The following TOPBP1 variants were observed in gnomAD, a reference collection of about 807,000 sequenced individuals.
TOPBP1 encodes the protein DNA topoisomerase II binding protein 1, also known as DNA topoisomerase 2-binding protein 1.
TOPBP1 carries 28 observed loss-of-function variants against 167.7 expected under a neutral mutation model. The ratio of observed to expected loss-of-function variants is 0.17; its 90% CI spans 0.12 to 0.23. The LOEUF (loss-of-function observed/expected upper bound fraction) is 0.23, where lower values mean the gene tolerates loss of function less well. Among genes scored for constraint, TOPBP1 ranks in the 10% least tolerant of loss-of-function variants. TOPBP1 has a pLI of 1.00. For synonymous variants in TOPBP1, 598 were observed against 611.4 expected (o/e 0.98, Z 0.32); for missense variants, 1,554 against 1,809.6 (o/e 0.86, Z 2.56).
At position 133,659,103 on chromosome 3, in the gene TOPBP1, T is replaced by C. The variant is rs778975256; in HGVS notation, c.132A>G (p.Glu44=). Residue 44 remains glutamate (E), a synonymous_variant, in exon 3 of 28, where the codon GAA becomes GAG. Transcript: ENST00000260810. ...TCTCCTTTATCTTCAATGCCTCTTC[T>C]TCTGTAATAATCTGAAGATATTCTT... ...QSEEYLQIIT[E]EEALKIKEND... 1.9e-6 allele frequency: 3 copies of C among 1,587,944 alleles called. No individual in the cohort carries two copies. The highest frequency in any genetic ancestry group is 2.3e-5 in the South Asian group (2 of 87,214).
intron 14 of TOPBP1, 145 bp from the exon 15 acceptor site, chr3:133,628,878 A>G (rs549620398): frequency 1.3e-6 from 1 of 781,338 alleles, no homozygotes; most frequent in Non-Finnish European, 2.0e-6. Context: ...AATGGATTAC[A>G]GTTTAACTTC....
chr3:133,623,542 C>T (rs1935169485), intron 17 of TOPBP1, 85 bp from the exon 18 acceptor site: 1 of 1,409,572 alleles, frequency 7.1e-7, no homozygotes, highest in Non-Finnish European at 9.3e-7. Flanking sequence ...ACAAGCAATA[C>T]ATTATACTGT....
intron 19 of TOPBP1, among the ~76,000 whole-genome samples, chr3:133,621,467 T>C (rs1490520629): frequency 2.6e-5 from 4 of 152,092 alleles, no homozygotes; most frequent in Non-Finnish European, 5.9e-5. Context: ...GTAAAAAAAA[T>C]AAAATATAAC....
chr3:133,653,291 A>G (rs750027383), intron 7 of TOPBP1, 54 bp downstream of exon 7: 15 of 1,449,132 alleles, frequency 1.0e-5, no homozygotes, highest in Non-Finnish European at 1.4e-5. Flanking sequence ...ACTGATTATT[A>G]CATAGAAATA....
chr3:133,660,937 T>C, intron 2 of TOPBP1, 107 bp downstream of exon 2: 2 of 787,578 alleles, frequency 2.5e-6, no homozygotes, highest in Non-Finnish European at 3.9e-6. Flanking sequence ...ACTATAAAAT[T>C]ATTATGAAAG....
Position 133,637,893 on chromosome 3 carries a change from G to A in TOPBP1, c.2503C>T (p.Pro835Ser). 1 of 1,613,870 alleles carries A rather than the reference G, an allele frequency of 6.2e-7. No homozygotes were observed. The highest frequency in any genetic ancestry group is 8.5e-7 in the Non-Finnish European group (1 of 1,179,818). ...KFLSKDKLFK[P>S]SFDVKDALAA... Reference sequence around the variant, plus strand: ...AACCTTACCTTCACATCAAAGGAAGGCTTGAAGAGTTTGTCCTTGGACAGG... The same window carrying A: ...AACCTTACCTTCACATCAAAGGAAGACTTGAAGAGTTTGTCCTTGGACAGG... Residue 835 changes from proline to serine, a missense_variant, in exon 14 of 28, where the codon CCT (proline) becomes TCT (serine). Around this residue, in one of 3 missense-constraint regions of TOPBP1, gnomAD observed 1,197 missense variants for 1,351.5 expected, o/e 0.89. Transcript: ENST00000260810.
intron 10 of TOPBP1, among the ~76,000 whole-genome samples, chr3:133,646,214 T>C (rs543307043): frequency 6.6e-6 from 1 of 152,302 alleles, no homozygotes; most frequent in African/African-American, 2.4e-5. Context: ...TACTTTATTA[T>C]AGACTTTCTA....
chr3:133,623,598 C>G lies in TOPBP1; in HGVS notation c.2929-141G>C, dbSNP rs1253168275. ...AAACTGGTTTGAAAAGTAGTTTACA[C>G]TGAAAAATTTGCATCATACAAATGA... On this transcript the variant is annotated intron_variant, in intron 17 of 27. Transcript: ENST00000260810. The G allele has an allele frequency of 3.1e-6, 3 of 962,280 alleles. No homozygotes were observed. The African/African-American group carries it at 5.0e-5, about 16-fold the overall frequency. The allele number at this position is 962,280 out of a possible 1,614,324, so 59.6% of individuals were successfully genotyped here.
chr3:133,652,418 C>T (rs1396905489), intron 8 of TOPBP1, 45 bp downstream of exon 8: 1 of 1,597,282 alleles, frequency 6.3e-7, no homozygotes, highest in East Asian at 2.2e-5. Flanking sequence ...CTAGGAAATG[C>T]TAATGTATAT....
intron 25 of TOPBP1, among the ~76,000 whole-genome samples, chr3:133,609,190 G>C (rs1178339598): frequency 1.3e-5 from 2 of 152,212 alleles, no homozygotes; most frequent in South Asian, 4.1e-4. Flanking sequence ...TTAATGATTA[G>C]GTAACATTAA....
intron 15 of TOPBP1, 21 bp downstream of exon 15, chr3:133,628,539 T>C: frequency 6.2e-7 from 1 of 1,607,822 alleles, no homozygotes; most frequent in Non-Finnish European, 8.5e-7. Flanking sequence ...AACTTCCTTT[T>C]AATAAGAGAA....
Position 133,628,481 on chromosome 3 carries a change from GA to G in TOPBP1, c.2695-11del. On this transcript the variant is annotated splice_polypyrimidine_tract_variant and intron_variant, in intron 15 of 27. Coordinates refer to ENST00000260810, the MANE Select transcript of TOPBP1 (RefSeq NM_007027.4). ...GCTTTGGGGCTTCTTCCTGTCCATGGAAAATAAAAGAAACAGATCAGTCATT... is the reference window on the plus strand; with the variant it reads ...GCTTTGGGGCTTCTTCCTGTCCATGGAAATAAAAGAAACAGATCAGTCATT... 1 of 1,607,058 alleles carries G rather than the reference GA, an allele frequency of 6.2e-7. No individual in the cohort carries two copies.
intron 27 of TOPBP1, 35 bp from the exon 28 acceptor site, chr3:133,601,428 A>G (rs978784651): frequency 2.2e-6 from 3 of 1,390,820 alleles, no homozygotes; most frequent in African/African-American, 3.0e-5. Context: ...TTTTAAAATG[A>G]TTTCAAACAT....
intron 23 of TOPBP1, among the ~76,000 whole-genome samples, chr3:133,616,311 A>G (rs1934876805): frequency 6.6e-6 from 1 of 151,982 alleles, no homozygotes. Context: ...TAGTAGAGAC[A>G]GGGTTTCACC....
At position 133,620,169 on chromosome 3, in the gene TOPBP1, G is replaced by A. The variant is rs1298734977; in HGVS notation, c.3357C>T (p.Val1119=). The change falls in exon 20 of 28, where the codon GTC becomes GTT. Residue 1119 remains valine, a synonymous_variant. Transcript: ENST00000260810. ...CAGGTACACACCTCAGTGCCTCTAGGACTCTACTTCGTCCACTGCGAGCAG... is the reference window on the plus strand; with the variant it reads ...CAGGTACACACCTCAGTGCCTCTAGAACTCTACTTCGTCCACTGCGAGCAG... ...TRSARSGRSR[V]LEALRQSRQT... is the part of the protein sequence containing the mutation. The A allele has an allele frequency of 6.2e-7, 1 of 1,613,336 alleles. No homozygotes were observed.
chr3:133,610,864 T>G, intron 25 of TOPBP1, 140 bp downstream of exon 25: 1 of 900,384 alleles, frequency 1.1e-6, no homozygotes. Context: ...TAAATTATTT[T>G]TAAAAGAGCC....
chr3:133,648,788 A>T lies in TOPBP1; in HGVS notation c.1504+595T>A, dbSNP rs185626320. ...ACTCCAGCCTGCGCAACAAGAGCGAAATCCTGCTTCAAAAAAAAAAAAAGT... is the reference window on the plus strand; with the variant it reads ...ACTCCAGCCTGCGCAACAAGAGCGATATCCTGCTTCAAAAAAAAAAAAAGT... On this transcript the variant is annotated intron_variant, in intron 10 of 27. Coordinates refer to ENST00000260810, the MANE Select transcript of TOPBP1 (RefSeq NM_007027.4). Among the ~76,000 whole-genome samples, 54 of 152,248 alleles carry T rather than the reference A, an allele frequency of 3.5e-4. 1 individual carries two copies. The East Asian group carries it at 0.01, about 28-fold the overall frequency.
At chr3:133,601,510 G>A in intron 27 of TOPBP1, 117 bp from the exon 28 acceptor site, 1 of 806,300 alleles carries the variant, frequency 1.2e-6, no homozygotes, top group African/African-American at 1.9e-5. Flanking sequence ...AAACTTAAAG[G>A]AAAACGCATA....
Position 133,616,939 on chromosome 3 carries a change from TTTAC to T in TOPBP1, c.3760-18_3760-15del, listed in dbSNP as rs770772705. The T allele has an allele frequency of 6.9e-7, 1 of 1,456,480 alleles. No individual in the cohort carries two copies. The highest frequency in any genetic ancestry group is 1.4e-5 in the South Asian group (1 of 72,700). The allele number at this position is 1,456,480 out of a possible 1,614,324, so 90.2% of individuals were successfully genotyped here. A position where few individuals can be genotyped will look rare whatever the true frequency, so the allele number is the denominator to read the frequency against. On this transcript the variant is annotated splice_polypyrimidine_tract_variant and intron_variant, in intron 22 of 27. Transcript: ENST00000260810. ...TATCGTTATAATCTGGAATGAAAGTTTTACTTTAGAAAAAATTAACATTAAAAAT... is the reference window on the plus strand; with the variant it reads ...TATCGTTATAATCTGGAATGAAAGTTTTTAGAAAAAATTAACATTAAAAAT...
Sources: gnomAD v4.1 joint callset for allele counts (sites outside exome capture counted in the v4.1 genomes callset) on GRCh38, gnomAD v4.1.1 for gene constraint, gnomAD v4.1.1 regional missense constraint, MANE v1.5 for transcripts, NCBI Gene and HGNC (gene_info 2026-07-23, HGNC 2026-07-21) for gene names.